The following CASP6 variants were observed in gnomAD, a reference collection of about 807,000 sequenced individuals.
CASP6 encodes the protein caspase 6, also known as caspase-6.
CASP6 carries 20 observed loss-of-function variants against 31.8 expected under a neutral mutation model. That is an observed-to-expected ratio of 0.63 (90% CI 0.44 to 0.91). CASP6 has a LOEUF of 0.91. Ranked by LOEUF, CASP6 falls within the 40% of genes least tolerant of loss-of-function variation. The probability of loss-of-function intolerance (pLI) is 0.00; values close to 1 mark genes in which losing one functional copy is unlikely to be tolerated. For synonymous variants in CASP6, 130 were observed against 127.8 expected (o/e 1.02, Z -0.12); for missense variants, 328 against 361.1 (o/e 0.91, Z 0.74).
upstream of CASP6, among the ~76,000 whole-genome samples, chr4:109,705,640 A>T (rs72886592): frequency 0.022 from 3,384 of 152,160 alleles, 110 homozygotes; most frequent in African/African-American, 0.078. Context: ...CACTTACGGT[A>T]TGTAACTAGA....
the CASP6 span, among the ~76,000 whole-genome samples, chr4:109,675,345 C>T: frequency 6.6e-6 from 1 of 152,214 alleles, no homozygotes; most frequent in East Asian, 1.9e-4. Flanking sequence ...CTCAACTAGG[C>T]GTTAACCATG....
chr4:109,698,214 C>G, intron 2 of CASP6, 86 bp downstream of exon 2: 1 of 1,428,080 alleles, frequency 7.0e-7, no homozygotes. Flanking sequence ...TTCCTAGCTC[C>G]CAGGACCCAT....
At chr4:109,690,248 ACG>A (rs1491053182) in intron 6 of CASP6, among the ~76,000 whole-genome samples, 4 of 15,524 alleles carry the variant, frequency 2.6e-4, no homozygotes, top group East Asian at 9.0e-4. Flanking sequence ...AAAAAAAAAA[ACG>A]CACGCACGCA....
At position 109,689,190 on chromosome 4, in the gene CASP6, A is replaced by AG; in HGVS notation, c.*139dup. Reference sequence around the variant, plus strand: ...GAGACGGGGCTTCTCCATGTTGGTCAGGCTGGTCTCGAACTCCCGACCTCA... The same window carrying AG: ...GAGACGGGGCTTCTCCATGTTGGTCAGGGCTGGTCTCGAACTCCCGACCTCA... On this transcript the variant is annotated 3_prime_UTR_variant, in exon 7 of 7. Coordinates refer to ENST00000265164, the MANE Select transcript of CASP6 (RefSeq NM_001226.4). 1 of 733,516 alleles carries AG rather than the reference A, an allele frequency of 1.4e-6. No individual in the cohort carries two copies. Among genetic ancestry groups the AG allele is most frequent in the Non-Finnish European group, 2.3e-6 (1 of 430,178 alleles). The allele number at this position is 733,516 out of a possible 1,614,324, so 45.4% of individuals were successfully genotyped here. A position where few individuals can be genotyped will look rare whatever the true frequency, so the allele number is the denominator to read the frequency against.
At chr4:109,680,113 A>T in the CASP6 span, among the ~76,000 whole-genome samples, 8 of 152,086 alleles carry the variant, frequency 5.3e-5, no homozygotes, top group East Asian at 1.9e-4. Flanking sequence ...GAGGGTATAA[A>T]TTTTTTATCA....
upstream of CASP6, among the ~76,000 whole-genome samples, chr4:109,704,956 C>T (rs1198347426): frequency 3.9e-5 from 6 of 152,198 alleles, no homozygotes; most frequent in African/African-American, 1.2e-4. Flanking sequence ...CTGCCCGCCT[C>T]GGTCTCCCAA....
the CASP6 span, among the ~76,000 whole-genome samples, chr4:109,678,992 CAGTCCTCACTTCCTAGAT>C: frequency 6.8e-6 from 1 of 147,836 alleles, no homozygotes; most frequent in East Asian, 2.0e-4. Context: ...CAGGCAGAGA[CAGTCCTCACTTCCTAGAT>C]GGGGTGGCAG....
At chr4:109,674,114 C>G in the CASP6 span, 1 of 1,434,892 alleles carries the variant, frequency 7.0e-7, no homozygotes, top group Non-Finnish European at 9.8e-7. Flanking sequence ...TGGGCAAAAC[C>G]TAAGCCTTAG....
chr4:109,673,308 T>TCAAACC, the CASP6 span, among the ~76,000 whole-genome samples: 29 of 152,290 alleles, frequency 1.9e-4, no homozygotes, highest in South Asian at 5.6e-3. Context: ...TTCCCATCCC[T>TCAAACC]CAAACCACCA....
chr4:109,664,492 A>T, the CASP6 span: 1 of 590,298 alleles, frequency 1.7e-6, no homozygotes. Context: ...TGACGTCGTC[A>T]TAGCTCACTG....
chr4:109,680,525 C>T, the CASP6 span, among the ~76,000 whole-genome samples: 13 of 152,128 alleles, frequency 8.5e-5, no homozygotes, highest in Admixed American at 7.9e-4. Flanking sequence ...TCCATCTATG[C>T]CTTTTCTCTG....
At chr4:109,704,233 T>G (rs1029962894), upstream of CASP6, among the ~76,000 whole-genome samples, 1 of 152,176 alleles carries the variant, frequency 6.6e-6, no homozygotes, top group African/African-American at 2.4e-5. Flanking sequence ...CAAACATGAT[T>G]AAGTTAGTGA....
chr4:109,669,486 C>T, the CASP6 span, among the ~76,000 whole-genome samples: 3 of 151,846 alleles, frequency 2.0e-5, no homozygotes, highest in African/African-American at 7.3e-5. Context: ...AAATGATATA[C>T]GTATGTGTAG....
At chr4:109,690,761 G>T in intron 6 of CASP6, 89 bp downstream of exon 6, 1 of 1,387,742 alleles carries the variant, frequency 7.2e-7, no homozygotes. Context: ...TGTCCCAACC[G>T]AAAGATCTGA....
At chr4:109,696,538 A>G (rs1730245176) in intron 3 of CASP6, 52 bp from the exon 4 acceptor site, 5 of 1,231,598 alleles carry the variant, frequency 4.1e-6, no homozygotes, top group African/African-American at 1.5e-5. Context: ...AAAGTTGTCA[A>G]ATACCCTTAC....
chr4:109,674,814 T>C, the CASP6 span, among the ~76,000 whole-genome samples: 1 of 152,270 alleles, frequency 6.6e-6, no homozygotes, highest in Non-Finnish European at 1.5e-5. Context: ...TAGAAATATG[T>C]ATTTTAAGCA....
chr4:109,690,980 T>C lies in CASP6; in HGVS notation c.513A>G (p.Pro171=). 1 of 1,612,942 alleles carries C rather than the reference T, an allele frequency of 6.2e-7. No individual in the cohort carries two copies. Among genetic ancestry groups the C allele is most frequent in the Non-Finnish European group, 8.5e-7 (1 of 1,179,532 alleles). ...QACRGNQHDV[P]VIPLDVVDNQ... ...TATCTACTACATCCAAAGGAATGAC[T>C]GGCACATCGTGCTGGTTTCCCCGAC... Residue 171 remains proline (P), a synonymous_variant, in exon 6 of 7, where the codon CCA becomes CCG. Coordinates refer to ENST00000265164, the MANE Select transcript of CASP6 (RefSeq NM_001226.4).
chr4:109,707,258 CAT>C (rs1209113271), upstream of CASP6, among the ~76,000 whole-genome samples: 8 of 152,128 alleles, frequency 5.3e-5, no homozygotes, highest in Non-Finnish European at 1.2e-4. Context: ...TAGGGGGTGG[CAT>C]ATATGTTCCT....
chr4:109,685,238 C>CTCT (rs1554021353), downstream of CASP6: 6 of 896,780 alleles, frequency 6.7e-6, no homozygotes, highest in South Asian at 4.7e-5. Context: ...TTCTCTCTCT[C>CTCT]TTTTTTTTTA....
Sources: allele counts gnomAD v4.1 joint callset (sites outside exome capture counted in the v4.1 genomes callset), GRCh38; gene constraint gnomAD v4.1.1; transcripts MANE v1.5; gene names NCBI Gene and HGNC (gene_info 2026-07-23, HGNC 2026-07-21).